TANGO6: variants seen among roughly 807,000 people sequenced by gnomAD.
The protein encoded by TANGO6 is transport and Golgi organization protein 6 homolog.
Under a neutral mutation model 114.2 loss-of-function variants are expected in TANGO6, and 90 were observed. The observed-to-expected ratio is 0.79, with a 90% CI of 0.66 to 0.94. The LOEUF is 0.94. TANGO6 is among the 40% of genes least tolerant of loss of function. The pLI is 0.00. For missense variants in TANGO6, 1,274 were observed against 1,315.3 expected (o/e 0.97, Z 0.49); for synonymous variants, 477 against 509.8 (o/e 0.94, Z 0.87).
intron 1 of TANGO6, among the ~76,000 whole-genome samples, chr16:68,849,063 A>G (rs2152149423): frequency 6.6e-6 from 1 of 152,304 alleles, no homozygotes; most frequent in Non-Finnish European, 1.5e-5. Flanking sequence ...GGCCGAGTGC[A>G]GTGGCTAACG....
intron 12 of TANGO6, among the ~76,000 whole-genome samples, chr16:68,923,581 A>G (rs986542008): frequency 7.9e-5 from 12 of 152,048 alleles, no homozygotes; most frequent in Non-Finnish European, 1.3e-4. Context: ...GAAAATTCCC[A>G]TTATTTCAAG....
intron 15 of TANGO6, among the ~76,000 whole-genome samples, chr16:68,999,099 A>G (rs1234701575): frequency 6.6e-6 from 1 of 152,026 alleles, no homozygotes; most frequent in African/African-American, 2.4e-5. Flanking sequence ...GCCCAGGCTG[A>G]TCTTGAACTC....
chr16:68,880,380 A>G (rs1269571295), intron 6 of TANGO6, among the ~76,000 whole-genome samples, 168 bp from the exon 7 acceptor site: 2 of 152,222 alleles, frequency 1.3e-5, no homozygotes, highest in Non-Finnish European at 1.5e-5. Context: ...GTGGCATCAT[A>G]TATTCCATGA....
chr16:68,980,435 A>ATATATATATTTTT (rs1317961639), intron 15 of TANGO6, among the ~76,000 whole-genome samples: 2 of 61,776 alleles, frequency 3.2e-5, no homozygotes, highest in African/African-American at 7.2e-5. Context: ...ATATATATAT[A>ATATATATATTTTT]TTTTTTTTTT....
At chr16:69,048,003 A>G (rs1309834231) in intron 17 of TANGO6, among the ~76,000 whole-genome samples, 2 of 152,150 alleles carry the variant, frequency 1.3e-5, no homozygotes, top group Non-Finnish European at 2.9e-5. Context: ...AAAATGATAA[A>G]AAGTCTTAAC....
At chr16:68,848,498 T>G (rs2152149062) in intron 1 of TANGO6, among the ~76,000 whole-genome samples, 1 of 151,326 alleles carries the variant, frequency 6.6e-6, no homozygotes, top group South Asian at 2.1e-4. Context: ...TAACTTCTAG[T>G]GCAGAGACAA....
chr16:69,020,894 A>ATATG (rs1396239113), intron 15 of TANGO6, among the ~76,000 whole-genome samples: 3 of 87,250 alleles, frequency 3.4e-5, no homozygotes, highest in Admixed American at 1.1e-4. Context: ...CCCCCTTTAT[A>ATATG]TATGTATGTA....
At chr16:68,851,785 A>G (rs530099283) in intron 1 of TANGO6, among the ~76,000 whole-genome samples, 4 of 152,326 alleles carry the variant, frequency 2.6e-5, no homozygotes, top group Admixed American at 2.6e-4. Context: ...CCTACCAACA[A>G]TGTATGAGAG....
chr16:69,082,497 A>G (rs1046020000), intron 17 of TANGO6, among the ~76,000 whole-genome samples: 13 of 151,982 alleles, frequency 8.6e-5, no homozygotes, highest in African/African-American at 3.1e-4. Flanking sequence ...CTGTAATAGC[A>G]ATACTTTGGG....
intron 16 of TANGO6, among the ~76,000 whole-genome samples, chr16:69,027,450 C>T (rs951183699): frequency 1.3e-5 from 2 of 151,590 alleles, no homozygotes; most frequent in Non-Finnish European, 2.9e-5. Flanking sequence ...TTTTTAGTAA[C>T]TTAGAAACAA....
intron 14 of TANGO6, among the ~76,000 whole-genome samples, chr16:68,966,361 G>A (rs926551761): frequency 5.9e-5 from 9 of 152,086 alleles, no homozygotes; most frequent in Admixed American, 2.6e-4. Flanking sequence ...AAAATTAGCC[G>A]AGTGTGGTGG....
intron 17 of TANGO6, among the ~76,000 whole-genome samples, chr16:69,065,117 G>A: frequency 6.6e-6 from 1 of 152,188 alleles, no homozygotes; most frequent in East Asian, 1.9e-4. Context: ...CAGGGCTTGT[G>A]GGGGTGTAGG....
At chr16:69,065,146 A>G (rs995133730) in intron 17 of TANGO6, among the ~76,000 whole-genome samples, 1 of 152,180 alleles carries the variant, frequency 6.6e-6, no homozygotes, top group Non-Finnish European at 1.5e-5. Flanking sequence ...CGCCTTCCTC[A>G]GGTTGCTATT....
intron 15 of TANGO6, among the ~76,000 whole-genome samples, chr16:69,008,973 G>T (rs1192901321): frequency 6.6e-6 from 1 of 150,880 alleles, no homozygotes; most frequent in African/African-American, 2.4e-5. Flanking sequence ...TCAAGAAGGG[G>T]TTTTCATGTG....
chr16:68,962,202 A>T (rs1963599654), intron 14 of TANGO6, among the ~76,000 whole-genome samples: 1 of 152,216 alleles, frequency 6.6e-6, no homozygotes, highest in Non-Finnish European at 1.5e-5. Context: ...CTTAGAGCTG[A>T]AATTATTGTT....
chr16:68,862,597 G>A (rs1962112888), intron 2 of TANGO6, among the ~76,000 whole-genome samples: 1 of 152,134 alleles, frequency 6.6e-6, no homozygotes, highest in Non-Finnish European at 1.5e-5. Flanking sequence ...ATATGCCTCT[G>A]AAAAATACCC....
At chr16:69,057,750 TGAG>T (rs1181980060) in intron 17 of TANGO6, among the ~76,000 whole-genome samples, 4 of 152,180 alleles carry the variant, frequency 2.6e-5, no homozygotes, top group African/African-American at 9.7e-5. Context: ...AGGAGAATGA[TGAG>T]ACAGTGATGG....
At chr16:68,865,488 A>G (rs1962161944) in intron 3 of TANGO6, among the ~76,000 whole-genome samples, 1 of 152,174 alleles carries the variant, frequency 6.6e-6, no homozygotes, top group Non-Finnish European at 1.5e-5. Context: ...TGCCAAAACC[A>G]GCTAATAAGT....
intron 17 of TANGO6, among the ~76,000 whole-genome samples, chr16:69,046,116 T>C (rs891720234): frequency 5.3e-5 from 8 of 150,730 alleles, no homozygotes; most frequent in Non-Finnish European, 7.4e-5. Context: ...AGACCACTCA[T>C]TGGAGAACAG....
Sources: gnomAD v4.1 joint callset for allele counts (sites outside exome capture counted in the v4.1 genomes callset) on GRCh38, gnomAD v4.1.1 for gene constraint, MANE v1.5 for transcripts, NCBI Gene and HGNC (gene_info 2026-07-23, HGNC 2026-07-21) for gene names.